The following NRXN3 variants were observed in gnomAD, a reference collection of about 807,000 sequenced individuals.
NRXN3 encodes neurexin III.
A neutral mutation model predicts 137.6 loss-of-function variants in NRXN3; 32 were observed. The observed-to-expected ratio is 0.23, with a 90% confidence interval of 0.18 to 0.31. NRXN3 has a LOEUF of 0.31. Among genes scored for constraint, NRXN3 ranks in the 10% least tolerant of loss-of-function variants. The pLI is 1.00. For missense variants in NRXN3, 1,574 were observed against 2,062.5 expected, an observed-to-expected ratio of 0.76 and a Z score of 4.59; for synonymous variants, 798 against 784.5, an observed-to-expected ratio of 1.02 and a Z score of -0.29.
chr14:79,802,153 CT>C (rs2099184174), intron 19 of NRXN3, among the ~76,000 whole-genome samples: 1 of 152,016 alleles, frequency 6.6e-6, no homozygotes, highest in Admixed American at 6.6e-5. Flanking sequence ...TTGGTTTCTA[CT>C]GAAGTTATGC....
At chr14:78,727,039 A>T (rs2098488261) in intron 8 of NRXN3, among the ~76,000 whole-genome samples, 1 of 151,910 alleles carries the variant, frequency 6.6e-6, no homozygotes, top group South Asian at 2.1e-4. Context: ...GTCAAGCTAA[A>T]ACCCTTCTCT....
chr14:79,255,841 G>A (rs1350560743), intron 15 of NRXN3, among the ~76,000 whole-genome samples: 1 of 152,180 alleles, frequency 6.6e-6, no homozygotes, highest in East Asian at 1.9e-4. Context: ...GATTGGTAGT[G>A]CTGCCTTAGA....
At chr14:79,604,337 C>T (rs1391317967) in intron 16 of NRXN3, among the ~76,000 whole-genome samples, 2 of 151,976 alleles carry the variant, frequency 1.3e-5, no homozygotes, top group South Asian at 2.1e-4. Flanking sequence ...TGGGTTCAAG[C>T]AATTCTCATG....
intron 10 of NRXN3, among the ~76,000 whole-genome samples, chr14:78,940,732 G>A (rs1296525250): frequency 3.3e-5 from 5 of 152,076 alleles, no homozygotes; most frequent in Admixed American, 6.5e-5. Flanking sequence ...TCCCTTGAAC[G>A]TTTTCCCCCA....
chr14:79,092,972 G>A (rs574885835), intron 15 of NRXN3, among the ~76,000 whole-genome samples: 2 of 152,250 alleles, frequency 1.3e-5, no homozygotes, highest in East Asian at 1.9e-4. Flanking sequence ...TTATGAGTGT[G>A]TCCAGAGAAC....
At chr14:79,189,303 CAT>C (rs2063938857) in intron 15 of NRXN3, among the ~76,000 whole-genome samples, 1 of 148,644 alleles carries the variant, frequency 6.7e-6, no homozygotes, top group Admixed American at 6.8e-5. Context: ...AACCAAACAC[CAT>C]GTATTCTCAC....
At position 78,606,439 on chromosome 14, in the gene NRXN3, C is replaced by T. The variant is rs1424727952; in HGVS notation, c.758-38681C>T. 3.3e-5 allele frequency among the ~76,000 whole-genome samples: 5 copies of T among 152,196 alleles called. No homozygotes were observed. In the East Asian group the frequency reaches 5.8e-4, roughly 18 times the overall value. On this transcript the variant is annotated intron_variant, in intron 4 of 20. Transcript: ENST00000335750. Reference sequence around the variant, plus strand: ...CTCATTCTTCTAGACTAACTCAGCTCTTTAATCACTGAGAAAACCTTCCCT... The same window carrying T: ...CTCATTCTTCTAGACTAACTCAGCTTTTTAATCACTGAGAAAACCTTCCCT...
intron 15 of NRXN3, among the ~76,000 whole-genome samples, chr14:79,001,616 C>G (rs1427504534): frequency 6.6e-6 from 1 of 152,166 alleles, no homozygotes; most frequent in Admixed American, 6.6e-5. Flanking sequence ...CCTATTTTCC[C>G]GAGTCTTCTT....
intron 15 of NRXN3, among the ~76,000 whole-genome samples, chr14:79,070,235 C>G (rs374007398): frequency 6.6e-6 from 1 of 152,156 alleles, no homozygotes; most frequent in African/African-American, 2.4e-5. Flanking sequence ...ACAAACACAA[C>G]TCTATGTGAT....
At chr14:79,116,345 ACCT>A (rs901721488) in intron 15 of NRXN3, among the ~76,000 whole-genome samples, 15 of 152,212 alleles carry the variant, frequency 9.9e-5, no homozygotes, top group African/African-American at 3.6e-4. Context: ...GCATCTGCAG[ACCT>A]CTAACTCTCT....
chr14:78,874,016 G>A (rs2099107771), intron 10 of NRXN3, among the ~76,000 whole-genome samples: 2 of 147,360 alleles, frequency 1.4e-5, no homozygotes, highest in South Asian at 4.3e-4. Flanking sequence ...CTGTGACCCA[G>A]GCTGAAGTGC....
rs754217086 is a variant in NRXN3 at position 79,859,852 on chromosome 14, G to A, written c.4094-1490G>A. On this transcript the variant is annotated intron_variant, in intron 20 of 20. Transcript: ENST00000335750. ...AGGGAAACATTCGCAGCATCCCTGC[G>A]AGTGGATTTTTTTTAAGTGATAGTG... Among the ~76,000 whole-genome samples, 40 of 152,260 alleles carry A rather than the reference G, an allele frequency of 2.6e-4. 1 individual carries two copies. The highest frequency in any genetic ancestry group is 2.5e-3 in the Admixed American group (38 of 15,296).
intron 14 of NRXN3, among the ~76,000 whole-genome samples, chr14:78,974,706 C>A (rs1009823155): frequency 6.6e-6 from 1 of 151,834 alleles, no homozygotes; most frequent in Admixed American, 6.6e-5. Flanking sequence ...TATTTGGGGC[C>A]GTCTTACTCT....
intron 15 of NRXN3, among the ~76,000 whole-genome samples, chr14:79,012,315 G>A (rs2099572622): frequency 6.6e-6 from 1 of 152,154 alleles, no homozygotes; most frequent in African/African-American, 2.4e-5. Flanking sequence ...GGACATTTAA[G>A]ATGGAACAGC....
At chr14:78,306,387 A>C (rs771077776) in intron 4 of NRXN3, among the ~76,000 whole-genome samples, 1 of 152,208 alleles carries the variant, frequency 6.6e-6, no homozygotes, top group Non-Finnish European at 1.5e-5. Context: ...ATAATTTTCA[A>C]CTGTAGATCA....
intron 6 of NRXN3, among the ~76,000 whole-genome samples, chr14:78,669,583 G>A (rs536880948): frequency 3.9e-5 from 6 of 152,116 alleles, no homozygotes; most frequent in Non-Finnish European, 7.4e-5. Flanking sequence ...ACAGGTCTGA[G>A]GCCTGTTTGT....
chr14:79,255,625 T>C (rs1006516772), intron 15 of NRXN3, among the ~76,000 whole-genome samples: 20 of 152,276 alleles, frequency 1.3e-4, no homozygotes, highest in Admixed American at 8.5e-4. Flanking sequence ...TAAAAATTAA[T>C]GTTAATTATC....
intron 2 of NRXN3, among the ~76,000 whole-genome samples, chr14:78,261,179 C>T (rs1377756985): frequency 6.6e-6 from 1 of 152,196 alleles, no homozygotes. Flanking sequence ...GGGGGGGCTC[C>T]TGTGGATATC....
chr14:79,840,802 G>C (rs2099354289), intron 20 of NRXN3, among the ~76,000 whole-genome samples: 2 of 152,176 alleles, frequency 1.3e-5, no homozygotes, highest in African/African-American at 2.4e-5. Context: ...TAGGCTTCTA[G>C]TTAATTAGTG....
Sources: gnomAD v4.1 joint callset for allele counts (sites outside exome capture counted in the v4.1 genomes callset) on GRCh38, gnomAD v4.1.1 for gene constraint, MANE v1.5 for transcripts, NCBI Gene and HGNC (gene_info 2026-07-23, HGNC 2026-07-21) for gene names.